The following GPR149 variants were observed in gnomAD, a reference collection of about 807,000 sequenced individuals.
GPR149 encodes probable G protein-coupled receptor 149.
Under a neutral mutation model 50.2 loss-of-function variants are expected in GPR149, and 50 were observed. That is an observed-to-expected ratio of 1.00 (90% confidence interval 0.79 to 1.26). The LOEUF (loss-of-function observed/expected upper bound fraction) is 1.26, where lower values mean the gene tolerates loss of function less well. GPR149 is among the 50% of genes most tolerant of loss of function. The probability of loss-of-function intolerance (pLI) is 0.00; values close to 1 mark genes in which losing one functional copy is unlikely to be tolerated. For missense variants in GPR149, 983 were observed against 895.4 expected (o/e 1.10, Z -1.25); for synonymous variants, 405 against 358.2 (o/e 1.13, Z -1.48).
intron 3 of GPR149, among the ~76,000 whole-genome samples, chr3:154,389,881 G>T (rs1715125668): frequency 6.6e-6 from 1 of 152,184 alleles, no homozygotes; most frequent in African/African-American, 2.4e-5. Context: ...AAGTGTTTGG[G>T]TAGGAAAAAT....
intron 1 of GPR149, among the ~76,000 whole-genome samples, chr3:154,427,944 C>T (rs1468121673): frequency 6.6e-6 from 1 of 152,102 alleles, no homozygotes; most frequent in Admixed American, 6.5e-5. Context: ...GCGCCCGCTG[C>T]CTATTCAAGA....
chr3:154,405,519 C>G (rs1358196515), intron 3 of GPR149, among the ~76,000 whole-genome samples: 3 of 139,250 alleles, frequency 2.2e-5, no homozygotes, highest in African/African-American at 8.2e-5. Context: ...ACCTGGGAAG[C>G]AGAGGCTGCA....
intron 3 of GPR149, among the ~76,000 whole-genome samples, chr3:154,376,300 A>G (rs995945040): frequency 6.6e-6 from 1 of 152,206 alleles, no homozygotes; most frequent in African/African-American, 2.4e-5. Context: ...AAGAAGTCAT[A>G]TGGTCAGGAC....
intron 3 of GPR149, among the ~76,000 whole-genome samples, chr3:154,413,871 G>T (rs911831177): frequency 6.6e-6 from 1 of 151,152 alleles, no homozygotes; most frequent in Non-Finnish European, 1.5e-5. Flanking sequence ...TATCACAGCA[G>T]AATTTGTAAT....
chr3:154,354,504 T>A (rs1245644887), intron 3 of GPR149, among the ~76,000 whole-genome samples: 1 of 152,112 alleles, frequency 6.6e-6, no homozygotes, highest in Non-Finnish European at 1.5e-5. Flanking sequence ...CCAGTAAAAA[T>A]TTTACCTGTG....
chr3:154,346,643 C>T (rs1713934050), intron 3 of GPR149, among the ~76,000 whole-genome samples: 1 of 151,830 alleles, frequency 6.6e-6, no homozygotes, highest in African/African-American at 2.4e-5. Flanking sequence ...CTCTGTCACC[C>T]AGGCTGGAGT....
At chr3:154,350,137 C>CA (rs1383175558) in intron 3 of GPR149, among the ~76,000 whole-genome samples, 1 of 151,980 alleles carries the variant, frequency 6.6e-6, no homozygotes, top group Non-Finnish European at 1.5e-5. Flanking sequence ...TTTGAGGCTA[C>CA]AGTGAGCCAT....
intron 3 of GPR149, among the ~76,000 whole-genome samples, chr3:154,356,458 A>C (rs1714227095): frequency 6.6e-6 from 1 of 152,208 alleles, no homozygotes; most frequent in Middle Eastern, 3.2e-3. Flanking sequence ...AAATCTTCTT[A>C]AGCTGATAAG....
intron 3 of GPR149, among the ~76,000 whole-genome samples, chr3:154,406,308 A>G (rs918704279): frequency 1.3e-5 from 2 of 152,220 alleles, no homozygotes; most frequent in African/African-American, 4.8e-5. Flanking sequence ...CCTCTTTCAC[A>G]CATTGCTGGT....
chr3:154,338,043 G>T lies in GPR149; in HGVS notation c.1852C>A (p.His618Asn). Residue 618 changes from histidine (H) to asparagine (N), a missense_variant, in exon 4 of 4, where the codon CAC becomes AAC. His to Asn is a moderately conservative substitution (Grantham distance 68, BLOSUM62 1). Transcript: ENST00000389740. Reference sequence around the variant, plus strand: ...TCACAAATTTCAAGAACCTCCAAGTGTATTTTCACACTGGTGTCCACAAAC... The same window carrying T: ...TCACAAATTTCAAGAACCTCCAAGTTTATTTTCACACTGGTGTCCACAAAC... ...STFVDTSVKI[H>N]LEVLEICDNE... 6.2e-7 allele frequency: 1 copy of T among 1,614,162 alleles called. No homozygotes were observed. The highest frequency in any genetic ancestry group is 8.5e-7 in the Non-Finnish European group (1 of 1,180,006).
intron 3 of GPR149, among the ~76,000 whole-genome samples, chr3:154,376,791 G>A (rs1453798977): frequency 2.6e-5 from 4 of 152,294 alleles, no homozygotes; most frequent in Admixed American, 2.6e-4. Context: ...GTGCAGCTCA[G>A]TGGTTAAGAG....
chr3:154,360,989 C>T (rs187188191), intron 3 of GPR149, among the ~76,000 whole-genome samples: 1 of 152,238 alleles, frequency 6.6e-6, no homozygotes, highest in African/African-American at 2.4e-5. Flanking sequence ...TCTGTTCTTT[C>T]TTCCACTTTT....
chr3:154,386,204 C>T (rs1343570979), intron 3 of GPR149, among the ~76,000 whole-genome samples: 1 of 152,052 alleles, frequency 6.6e-6, no homozygotes, highest in Non-Finnish European at 1.5e-5. Context: ...AATTGAGAGT[C>T]AAAAAGAGGT....
Position 154,428,820 on chromosome 3 carries a change from CCCCAGAGCG to C in GPR149, c.787_795del (p.Arg263_Gly265del). On this transcript the variant is annotated inframe_deletion, in exon 1 of 4. Coordinates refer to ENST00000389740, the MANE Select transcript of GPR149 (RefSeq NM_001038705.3). ...ACGGTGTCGGAGCTCGGAGAGCATC[CCCCAGAGCG>C]CCGCAGACTCGGGCCTGGAGCATCC... The C allele has an allele frequency of 6.2e-7, 1 of 1,613,786 alleles. No individual in the cohort carries two copies. Among genetic ancestry groups the C allele is most frequent in the Non-Finnish European group, 8.5e-7 (1 of 1,179,928 alleles).
intron 2 of GPR149, among the ~76,000 whole-genome samples, chr3:154,424,446 G>T (rs923573107): frequency 6.6e-6 from 1 of 151,784 alleles, no homozygotes; most frequent in African/African-American, 2.4e-5. Flanking sequence ...CAAAAAAATG[G>T]TATCTTTATA....
At chr3:154,419,355 C>T (rs1356487425) in intron 3 of GPR149, among the ~76,000 whole-genome samples, 3 of 151,802 alleles carry the variant, frequency 2.0e-5, no homozygotes, top group Admixed American at 2.0e-4. Context: ...GTTATTTGAC[C>T]CTACTTTCCA....
chr3:154,359,991 C>T (rs1174239399), intron 3 of GPR149, among the ~76,000 whole-genome samples: 1 of 138,312 alleles, frequency 7.2e-6, no homozygotes, highest in Non-Finnish European at 1.5e-5. Flanking sequence ...AGCAACCAAA[C>T]AAGGAAAGTG....
At chr3:154,355,372 A>T (rs374323834) in intron 3 of GPR149, among the ~76,000 whole-genome samples, 1 of 152,200 alleles carries the variant, frequency 6.6e-6, no homozygotes, top group Admixed American at 6.5e-5. Context: ...TTTTCAATTC[A>T]TACTTTTTAG....
intron 3 of GPR149, among the ~76,000 whole-genome samples, chr3:154,341,080 T>C (rs767779139): frequency 2.0e-5 from 3 of 151,846 alleles, no homozygotes; most frequent in Non-Finnish European, 4.4e-5. Flanking sequence ...AAGGGTTATA[T>C]TGAAAACTTT....
Sources: gnomAD v4.1 joint callset for allele counts (sites outside exome capture counted in the v4.1 genomes callset) on GRCh38, gnomAD v4.1.1 for gene constraint, MANE v1.5 for transcripts, NCBI Gene and HGNC (gene_info 2026-07-23, HGNC 2026-07-21) for gene names.